The following RNF125 variants were observed in gnomAD, a reference collection of about 807,000 sequenced individuals.
The protein encoded by RNF125 is E3 ubiquitin-protein ligase RNF125.
Under a neutral mutation model 26.0 loss-of-function variants are expected in RNF125, and 21 were observed. The ratio of observed to expected loss-of-function variants is 0.81; its 90% CI spans 0.57 to 1.16. The LOEUF is 1.16. RNF125 is among the 50% of genes most tolerant of loss of function. The probability of loss-of-function intolerance (pLI) is 0.00; values close to 1 mark genes in which losing one functional copy is unlikely to be tolerated. For missense variants in RNF125, 270 were observed against 299.4 expected, an observed-to-expected ratio of 0.90 and a Z score of 0.72; for synonymous variants, 95 against 109.2, an observed-to-expected ratio of 0.87 and a Z score of 0.81.
At chr18:32,021,784 T>A (rs1292556558) in intron 1 of RNF125, among the ~76,000 whole-genome samples, 1 of 152,250 alleles carries the variant, frequency 6.6e-6, no homozygotes, top group African/African-American at 2.4e-5. Context: ...TAAAGGATAA[T>A]ATAAATTTGC....
rs1000189652 is a variant in RNF125, at chr18:32,067,677, C to T, written c.613-621C>T. 3.9e-5 allele frequency among the ~76,000 whole-genome samples: 6 copies of T among 152,276 alleles called. No homozygotes were observed. The East Asian group carries it at 9.6e-4, about 24-fold the overall frequency. The stretch of plus-strand genomic sequence containing the variant: ...CCTTGTGTTCTGCTGTACTTTATGA[C>T]TTTCCTTTGGATTTTGTGGGGGTTT... On this transcript the variant is annotated intron_variant, in intron 5 of 5. Coordinates refer to ENST00000217740, the MANE Select transcript of RNF125 (RefSeq NM_017831.4).
intron 3 of RNF125, among the ~76,000 whole-genome samples, chr18:32,043,120 G>T (rs894229200): frequency 4.6e-5 from 7 of 151,518 alleles, no homozygotes; most frequent in Non-Finnish European, 1.0e-4. Flanking sequence ...CTGCACTCCA[G>T]CCTGGGTGAC....
downstream of RNF125, chr18:32,076,316 G>T (rs1383186520): frequency 3.5e-6 from 1 of 286,298 alleles, no homozygotes; most frequent in Non-Finnish European, 6.8e-6. Flanking sequence ...TTTTTTGGTT[G>T]TTTTTTTGTT....
At chr18:32,038,117 C>G (rs12961341) in intron 2 of RNF125, among the ~76,000 whole-genome samples, 2 of 147,014 alleles carry the variant, frequency 1.4e-5, no homozygotes, top group African/African-American at 5.1e-5. Context: ...GGCGCCATCT[C>G]GGCCCACTGC....
rs749156925 is a variant in RNF125 at position 32,072,167 on chromosome 18, C to T, written c.*3783C>T. 6.6e-6 allele frequency: 1 copy of T among 152,098 alleles called. No individual in the cohort carries two copies. Among genetic ancestry groups the T allele is most frequent in the Non-Finnish European group, 1.5e-5 (1 of 68,036 alleles). The allele number at this position is 152,098 out of a possible 1,614,324, so 9.4% of individuals were successfully genotyped here. A position where few individuals can be genotyped will look rare whatever the true frequency, so the allele number is the denominator to read the frequency against. ...AGTGAGCTATGATCATGCTACTGCC[C>T]TCCAGCCTGGGCAACAGAGCAAGAC... is the stretch of plus-strand genomic sequence containing the variant. On this transcript the variant is annotated 3_prime_UTR_variant, in exon 6 of 6. Transcript: ENST00000217740.
intron 1 of RNF125, among the ~76,000 whole-genome samples, chr18:32,021,205 C>G (rs942764687): frequency 1.3e-5 from 2 of 152,126 alleles, no homozygotes; most frequent in African/African-American, 2.4e-5. Context: ...CTCAGCCTCC[C>G]GAGTAGCTGG....
chr18:32,028,238 C>T (rs1233228413), intron 1 of RNF125, among the ~76,000 whole-genome samples: 2 of 139,422 alleles, frequency 1.4e-5, no homozygotes, highest in Non-Finnish European at 3.0e-5. Context: ...GCAGAGCTTG[C>T]AGTGAGCCGA....
intron 2 of RNF125, among the ~76,000 whole-genome samples, chr18:32,038,462 A>G (rs1489343647): frequency 2.0e-5 from 3 of 152,130 alleles, no homozygotes; most frequent in African/African-American, 7.2e-5. Flanking sequence ...CCTTCTTCCC[A>G]TTACTCCAGT....
chr18:32,037,295 C>A, intron 2 of RNF125, 26 bp downstream of exon 2: 3 of 1,453,666 alleles, frequency 2.1e-6, no homozygotes, highest in African/African-American at 1.5e-5. Context: ...CACCTATTTT[C>A]ATGGTTACCA....
chr18:32,066,102 A>C, intron 5 of RNF125, 93 bp downstream of exon 5: 2 of 776,512 alleles, frequency 2.6e-6, no homozygotes, highest in Non-Finnish European at 4.4e-6. Context: ...TAGAGGAAAA[A>C]ATGTGTATAT....
chr18:32,090,632 C>T, the RNF125 span, among the ~76,000 whole-genome samples: 1 of 152,150 alleles, frequency 6.6e-6, no homozygotes, highest in African/African-American at 2.4e-5. Flanking sequence ...TTATAGCCAT[C>T]GTTTAATGCA....
In RNF125 at chr18:32,018,920, G is replaced by A. The variant is rs1429159917; in HGVS notation, c.57G>A (p.Ala19=). 6.2e-7 allele frequency: 1 copy of A among 1,609,994 alleles called. No individual in the cohort carries two copies. The highest frequency in any genetic ancestry group is 8.5e-7 in the Non-Finnish European group (1 of 1,178,380). The change falls in exon 1 of 6, where the codon GCG becomes GCA. Residue 19 remains alanine (A), a synonymous_variant. Transcript: ENST00000217740. ...AATCGGCGCCCGCCTCTGCCACCGC[G>A]CGGGCCCTGGAGCGCAGGAGGGACC... ...SGKSAPASAT[A]RALERRRDPE... is the part of the protein sequence containing the mutation.
chr18:32,032,227 C>T (rs565960409), intron 1 of RNF125, among the ~76,000 whole-genome samples: 1 of 152,260 alleles, frequency 6.6e-6, no homozygotes, highest in African/African-American at 2.4e-5. Flanking sequence ...CAGGCACCCA[C>T]CACCATGCCT....
chr18:32,044,361 CAAAT>C (rs2039248267), intron 3 of RNF125, among the ~76,000 whole-genome samples: 1 of 152,128 alleles, frequency 6.6e-6, no homozygotes, highest in African/African-American at 2.4e-5. Context: ...GACATTTAAA[CAAAT>C]AAGAAGATAA....
intron 4 of RNF125, among the ~76,000 whole-genome samples, chr18:32,047,338 G>A (rs2039282429): frequency 6.6e-6 from 1 of 151,976 alleles, no homozygotes; most frequent in South Asian, 2.1e-4. Flanking sequence ...CGCCTGGCCT[G>A]GATTGTTAAC....
At chr18:32,020,304 T>C (rs1377528727) in intron 1 of RNF125, among the ~76,000 whole-genome samples, 1 of 151,894 alleles carries the variant, frequency 6.6e-6, no homozygotes, top group Non-Finnish European at 1.5e-5. Flanking sequence ...CACCTCGGCC[T>C]CCCAAAGTGC....
chr18:32,022,286 A>G (rs955648766), intron 1 of RNF125, among the ~76,000 whole-genome samples: 3 of 152,226 alleles, frequency 2.0e-5, no homozygotes, highest in Non-Finnish European at 4.4e-5. Flanking sequence ...AGAGCACTTT[A>G]TAAGTTGTAT....
chr18:32,046,472 C>T lies in RNF125; in HGVS notation c.504+740C>T, dbSNP rs1268000100. Reference sequence around the variant, plus strand: ...ATTAGCCAGGCGTGGTGGTGGGCGCCTGTAGTCCCAGCTACTCAGGAGGCT... The same window carrying T: ...ATTAGCCAGGCGTGGTGGTGGGCGCTTGTAGTCCCAGCTACTCAGGAGGCT... On this transcript the variant is annotated intron_variant, in intron 4 of 5. Coordinates refer to ENST00000217740, the MANE Select transcript of RNF125 (RefSeq NM_017831.4). Among the ~76,000 whole-genome samples the T allele has an allele frequency of 3.3e-5, 5 of 150,280 alleles. No individual in the cohort carries two copies. The East Asian group carries it at 1.0e-3, about 30-fold the overall frequency.
At chr18:32,056,849 A>G (rs1257541807) in intron 4 of RNF125, among the ~76,000 whole-genome samples, 10 of 152,174 alleles carry the variant, frequency 6.6e-5, no homozygotes, top group Non-Finnish European at 1.5e-5. Context: ...AAAAATTACA[A>G]ACCTTCTTCC....
Sources: gnomAD v4.1 joint callset for allele counts (sites outside exome capture counted in the v4.1 genomes callset) on GRCh38, gnomAD v4.1.1 for gene constraint, MANE v1.5 for transcripts, NCBI Gene and HGNC (gene_info 2026-07-23, HGNC 2026-07-21) for gene names.